Variants in FHIT observed in about 807,000 individuals in gnomAD.
FHIT encodes the protein fragile histidine triad diadenosine triphosphatase.
A neutral mutation model predicts 17.9 loss-of-function variants in FHIT; 19 were observed. The observed-to-expected ratio is 1.06, with a 90% CI of 0.74 to 1.56. The LOEUF is 1.56. Ranked by LOEUF, FHIT falls within the 40% of genes most tolerant of loss-of-function variation. The pLI is 0.00. For missense variants in FHIT, 248 were observed against 189.2 expected, an observed-to-expected ratio of 1.31 and a Z score of -1.82; for synonymous variants, 81 against 69.7, an observed-to-expected ratio of 1.16 and a Z score of -0.81.
intron 2 of FHIT, among the ~76,000 whole-genome samples, chr3:61,139,737 C>T (rs2037021515): frequency 6.6e-6 from 1 of 152,046 alleles, no homozygotes; most frequent in Admixed American, 6.5e-5. Context: ...AATCTTGGCT[C>T]ATGTATATGT....
chr3:60,768,830 CT>C (rs1699940789), intron 4 of FHIT, among the ~76,000 whole-genome samples: 1 of 152,184 alleles, frequency 6.6e-6, no homozygotes, highest in South Asian at 2.1e-4. Flanking sequence ...CGCAAACTGC[CT>C]GATTAATATA....
intron 4 of FHIT, among the ~76,000 whole-genome samples, chr3:60,709,064 C>T (rs1438510024): frequency 6.6e-6 from 1 of 152,154 alleles, no homozygotes; most frequent in Non-Finnish European, 1.5e-5. Context: ...GTCTCAGGAT[C>T]CATTTCCACT....
chr3:60,936,608 T>C (rs1337591814), intron 3 of FHIT, among the ~76,000 whole-genome samples: 1 of 152,220 alleles, frequency 6.6e-6, no homozygotes, highest in African/African-American at 2.4e-5. Flanking sequence ...TGTGACTATC[T>C]TTTGATTTTT....
At chr3:60,553,105 G>C (rs2036614830) in intron 4 of FHIT, among the ~76,000 whole-genome samples, 1 of 152,120 alleles carries the variant, frequency 6.6e-6, no homozygotes, top group Non-Finnish European at 1.5e-5. Flanking sequence ...CAATGAATGG[G>C]TAAATAATTA....
intron 4 of FHIT, among the ~76,000 whole-genome samples, chr3:60,631,263 G>A (rs193012712): frequency 1.2e-3 from 181 of 152,214 alleles, no homozygotes; most frequent in Non-Finnish European, 2.2e-3. Flanking sequence ...TTTTGATTTG[G>A]GTTGTACTAG....
intron 7 of FHIT, among the ~76,000 whole-genome samples, chr3:59,939,177 A>C (rs1026494254): frequency 7.9e-5 from 12 of 152,238 alleles, no homozygotes; most frequent in African/African-American, 2.9e-4. Context: ...CAGAAATTAC[A>C]TGAAAAATTG....
At chr3:61,201,218 G>A (rs17695525) in intron 1 of FHIT, among the ~76,000 whole-genome samples, 3,205 of 152,300 alleles carry the variant, frequency 0.021, 142 homozygotes, top group Admixed American at 0.11. Context: ...TCTCTCGGAA[G>A]AAACTCACAA....
chr3:61,202,419 A>G (rs574130292), intron 1 of FHIT, among the ~76,000 whole-genome samples: 4 of 152,256 alleles, frequency 2.6e-5, no homozygotes, highest in African/African-American at 9.6e-5. Context: ...ACGCTGTGCA[A>G]CCTTCCAAGT....
chr3:61,101,369 G>A (rs781490483), intron 2 of FHIT, among the ~76,000 whole-genome samples: 4 of 152,166 alleles, frequency 2.6e-5, no homozygotes, highest in Non-Finnish European at 5.9e-5. Context: ...TCAGATGGTT[G>A]TAGATGTGTG....
Position 59,818,567 on chromosome 3 carries a change from G to T in FHIT, c.349-66246C>A, listed in dbSNP as rs190592526. The stretch of plus-strand genomic sequence containing the variant: ...TCTCTACCTCAAAAATAAGTTTTTT[G>T]GGGGACTTGTTTACCATTCCGAATG... On this transcript the variant is annotated intron_variant, in intron 8 of 9. Transcript: ENST00000492590. 4.7e-3 allele frequency among the ~76,000 whole-genome samples: 714 copies of T among 152,248 alleles called. 8 individuals are homozygous for T. The highest frequency in any genetic ancestry group is 0.016 in the South Asian group (77 of 4,824).
rs572918199 is a variant in FHIT at position 60,322,954 on chromosome 3, A to T, written c.103+213906T>A. On this transcript the variant is annotated intron_variant, in intron 5 of 9. Coordinates refer to ENST00000492590, the MANE Select transcript of FHIT (RefSeq NM_002012.4). Reference sequence around the variant, plus strand: ...ATGTCACACTTTGAATAAAAGGAGCAGAAGGACTGTATAGAAGACTGGCAA... The same window carrying T: ...ATGTCACACTTTGAATAAAAGGAGCTGAAGGACTGTATAGAAGACTGGCAA... Among the ~76,000 whole-genome samples, 7 of 152,348 alleles carry T rather than the reference A, an allele frequency of 4.6e-5. No individual in the cohort carries two copies. In the South Asian group the frequency reaches 1.4e-3, roughly 32 times the overall value.
Position 61,032,907 on chromosome 3 carries a change from T to G in FHIT, c.-111+9140A>C, listed in dbSNP as rs559183278. Among the ~76,000 whole-genome samples the G allele has an allele frequency of 5.3e-5, 8 of 152,332 alleles. No individual in the cohort carries two copies. The East Asian group carries it at 1.5e-3, about 29-fold the overall frequency. On this transcript the variant is annotated intron_variant, in intron 3 of 9. Coordinates refer to ENST00000492590, the MANE Select transcript of FHIT (RefSeq NM_002012.4). ...GTTCCAGCCCAAGCCCAGGGGCCTG[T>G]GAACCAGGAGAGTCAATAGTGTAAG...
At chr3:60,442,947 A>T (rs538476785) in intron 5 of FHIT, among the ~76,000 whole-genome samples, 4 of 151,914 alleles carry the variant, frequency 2.6e-5, no homozygotes, top group Non-Finnish European at 5.9e-5. Flanking sequence ...CTTTTATTTC[A>T]TTGAGCAGTG....
At chr3:61,043,173 T>C (rs963838276) in intron 2 of FHIT, among the ~76,000 whole-genome samples, 5 of 152,280 alleles carry the variant, frequency 3.3e-5, no homozygotes, top group African/African-American at 9.6e-5. Flanking sequence ...ACCCAGGCAG[T>C]GCAAGGGGTC....
At chr3:59,954,226 T>TTTTTG (rs1707277409) in intron 7 of FHIT, among the ~76,000 whole-genome samples, 3 of 150,450 alleles carry the variant, frequency 2.0e-5, no homozygotes, top group Admixed American at 2.0e-4. Flanking sequence ...GTTCTGTTTT[T>TTTTTG]TTTTCTTTTT....
chr3:59,843,216 T>C (rs1367357134), intron 8 of FHIT, among the ~76,000 whole-genome samples: 1 of 152,198 alleles, frequency 6.6e-6, no homozygotes, highest in African/African-American at 2.4e-5. Flanking sequence ...AAAAATCATT[T>C]GACCACATAT....
intron 2 of FHIT, among the ~76,000 whole-genome samples, chr3:61,114,881 A>G (rs896552379): frequency 6.6e-6 from 1 of 152,274 alleles, no homozygotes; most frequent in South Asian, 2.1e-4. Context: ...TAGCTCCCCA[A>G]TGCTTCCAGT....
rs1707476506 is a variant in FHIT at position 60,924,634 on chromosome 3, T to C, written c.-110-102623A>G. On this transcript the variant is annotated intron_variant, in intron 3 of 9. Transcript: ENST00000492590. Reference sequence around the variant, plus strand: ...AAAACAGAGCAGAAAAACTGGAAACTCTAAAAATCAGAGCGCCTCTCCTCC... The same window carrying C: ...AAAACAGAGCAGAAAAACTGGAAACCCTAAAAATCAGAGCGCCTCTCCTCC... Among the ~76,000 whole-genome samples, 3 of 151,826 alleles carry C rather than the reference T, an allele frequency of 2.0e-5. No individual in the cohort carries two copies. The South Asian group carries it at 6.2e-4, about 32-fold the overall frequency.
chr3:60,872,326 C>A (rs797036766), intron 3 of FHIT, among the ~76,000 whole-genome samples: 1 of 152,126 alleles, frequency 6.6e-6, no homozygotes, highest in African/African-American at 2.4e-5. Flanking sequence ...ATAAGTTGTC[C>A]AGCTCAGGGC....
Sources: gnomAD v4.1 joint callset for allele counts (sites outside exome capture counted in the v4.1 genomes callset) on GRCh38, gnomAD v4.1.1 for gene constraint, MANE v1.5 for transcripts, NCBI Gene and HGNC (gene_info 2026-07-23, HGNC 2026-07-21) for gene names.